RBFOX1: variants seen among roughly 807,000 people sequenced by gnomAD.
RBFOX1 encodes the protein RNA binding protein fox-1 homolog 1.
Under a neutral mutation model 57.7 loss-of-function variants are expected in RBFOX1, and 8 were observed. That is an observed-to-expected ratio of 0.14 (90% confidence interval 0.08 to 0.25). The LOEUF is 0.25. Ranked by LOEUF, RBFOX1 falls within the 10% of genes least tolerant of loss-of-function variation. RBFOX1 has a pLI of 1.00. For synonymous variants in RBFOX1, 326 were observed against 222.4 expected (o/e 1.47, Z -4.15); for missense variants, 611 against 548.5 (o/e 1.11, Z -1.14).
Position 7,037,228 on chromosome 16 carries a change from C to CTTTT in RBFOX1, c.-15-14804_-15-14801dup, listed in dbSNP as rs889539532. Among the ~76,000 whole-genome samples, 9 of 80,552 alleles carry CTTTT rather than the reference C, an allele frequency of 1.1e-4. 1 individual carries two copies. Among genetic ancestry groups the CTTTT allele is most frequent in the African/African-American group, 2.0e-4 (3 of 14,826 alleles). The allele number at this position is 80,552 out of a possible 152,430, so 52.8% of individuals were successfully genotyped here. The stretch of plus-strand genomic sequence containing the variant: ...AATGCAGCCCAGTAGGTCTTAGCCT[C>CTTTT]TTTTTTTTTTTTTTTTTTTTTTTTT... On this transcript the variant is annotated intron_variant, in intron 3 of 15. Transcript: ENST00000550418.
At chr16:6,143,024 G>T (rs140230066) in intron 1 of RBFOX1, among the ~76,000 whole-genome samples, 38 of 152,196 alleles carry the variant, frequency 2.5e-4, no homozygotes, top group Non-Finnish European at 4.4e-4. Flanking sequence ...CTCGGCTCTT[G>T]GTAGATATTT....
At chr16:6,071,887 T>C (rs1230124367) in intron 1 of RBFOX1, among the ~76,000 whole-genome samples, 1 of 152,236 alleles carries the variant, frequency 6.6e-6, no homozygotes, top group Non-Finnish European at 1.5e-5. Flanking sequence ...TCCTCCAGGT[T>C]CATAAATGTA....
At chr16:5,814,866 T>C (rs995976141) in intron 3 of RBFOX1, among the ~76,000 whole-genome samples, 5 of 152,112 alleles carry the variant, frequency 3.3e-5, no homozygotes, top group Admixed American at 1.3e-4. Context: ...GAAGCGGAGC[T>C]TGCAGTGAGC....
At chr16:6,805,780 C>G (rs1014666059) in intron 3 of RBFOX1, among the ~76,000 whole-genome samples, 1 of 152,170 alleles carries the variant, frequency 6.6e-6, no homozygotes, top group Non-Finnish European at 1.5e-5. Flanking sequence ...AGTGTAACAC[C>G]CAAGCCATGT....
chr16:5,337,082 G>T (rs547153611), intron 1 of RBFOX1, among the ~76,000 whole-genome samples: 1 of 152,350 alleles, frequency 6.6e-6, no homozygotes, highest in East Asian at 1.9e-4. Flanking sequence ...GCAGAGGCGA[G>T]TTCTGCGGAG....
rs139972265 is a variant in RBFOX1 at position 5,978,699 on chromosome 16, G to GT, written c.351+111371dup. ...GTTTGTTTTTTTTTTTGTTGTTGTT[G>GT]TTTTTTTAAATGATGACAGTGTTGA... On this transcript the variant is annotated intron_variant, in intron 4 of 19. Coordinates refer to the RBFOX1 transcript ENST00000641259. 3.4e-5 allele frequency among the ~76,000 whole-genome samples: 5 copies of GT among 147,302 alleles called. No individual in the cohort carries two copies. The South Asian group carries it at 1.1e-3, about 32-fold the overall frequency.
At chr16:5,264,349 C>T (rs1007782629) in intron 1 of RBFOX1, among the ~76,000 whole-genome samples, 13 of 152,130 alleles carry the variant, frequency 8.5e-5, no homozygotes, top group African/African-American at 2.9e-4. Context: ...CACCCTGGCC[C>T]TGCTAAGGAG....
intron 2 of RBFOX1, among the ~76,000 whole-genome samples, chr16:5,593,356 G>C (rs910584635): frequency 1.3e-5 from 2 of 152,082 alleles, no homozygotes; most frequent in Non-Finnish European, 2.9e-5. Flanking sequence ...TGGGGGGTTA[G>C]GGGAGGGATA....
intron 1 of RBFOX1, among the ~76,000 whole-genome samples, chr16:6,273,484 A>G (rs967903253): frequency 3.4e-4 from 51 of 150,078 alleles, no homozygotes; most frequent in African/African-American, 1.2e-3. Flanking sequence ...AGCTGGGATT[A>G]CAGGTACATG....
At chr16:6,532,628 C>T (rs577519653) in intron 2 of RBFOX1, among the ~76,000 whole-genome samples, 1 of 152,088 alleles carries the variant, frequency 6.6e-6, no homozygotes, top group Admixed American at 6.6e-5. Flanking sequence ...TCCTGGTGAT[C>T]GTCTCTTCTC....
Position 5,781,358 on chromosome 16 carries a change from T to C in RBFOX1, c.319-85945T>C, listed in dbSNP as rs74872856. On this transcript the variant is annotated intron_variant, in intron 3 of 19. Transcript: ENST00000641259. ...TATTGAACCTATTTCTAGAGTGAGC[T>C]TCTCAATGGATTGCTATTAGAGGTT... is the stretch of plus-strand genomic sequence containing the variant. Among the ~76,000 whole-genome samples, 72 of 152,296 alleles carry C rather than the reference T, an allele frequency of 4.7e-4. 1 individual carries two copies. The East Asian group carries it at 7.3e-3, about 16-fold the overall frequency.
intron 2 of RBFOX1, among the ~76,000 whole-genome samples, chr16:6,499,246 C>G (rs993860006): frequency 2.0e-5 from 3 of 151,914 alleles, no homozygotes; most frequent in African/African-American, 7.3e-5. Flanking sequence ...TATGGTGATG[C>G]AAGGAATTTG....
chr16:7,434,581 C>G (rs1759868505), intron 4 of RBFOX1, among the ~76,000 whole-genome samples: 1 of 152,134 alleles, frequency 6.6e-6, no homozygotes, highest in Non-Finnish European at 1.5e-5. Context: ...CCATGACCTA[C>G]TGGACTGCAT....
At chr16:6,641,831 C>G (rs895854690) in intron 2 of RBFOX1, among the ~76,000 whole-genome samples, 3 of 151,032 alleles carry the variant, frequency 2.0e-5, no homozygotes, top group East Asian at 1.9e-4. Flanking sequence ...GGGACTTGCT[C>G]CCTCCTCGCT....
intron 3 of RBFOX1, among the ~76,000 whole-genome samples, chr16:7,042,582 C>G (rs41356249): frequency 0.054 from 8,229 of 152,254 alleles, 402 homozygotes; most frequent in East Asian, 0.2. Flanking sequence ...TGACATATTA[C>G]AAACATTGGA....
At chr16:7,588,265 A>G (rs1398722066) in intron 7 of RBFOX1, among the ~76,000 whole-genome samples, 1 of 152,234 alleles carries the variant, frequency 6.6e-6, no homozygotes, top group Non-Finnish European at 1.5e-5. Flanking sequence ...TCAGTGGCTA[A>G]CCAAGGGTGG....
At chr16:6,043,320 A>T (rs2095461192) in intron 1 of RBFOX1, among the ~76,000 whole-genome samples, 1 of 152,118 alleles carries the variant, frequency 6.6e-6, no homozygotes, top group Non-Finnish European at 1.5e-5. Flanking sequence ...TCCTGGCTGC[A>T]TTCATGGAGG....
chr16:7,256,716 C>T (rs964907746), intron 4 of RBFOX1, among the ~76,000 whole-genome samples: 3 of 152,286 alleles, frequency 2.0e-5, no homozygotes, highest in African/African-American at 7.2e-5. Flanking sequence ...TTGAGAAGGA[C>T]GCCCAGGGCC....
intron 4 of RBFOX1, among the ~76,000 whole-genome samples, chr16:5,996,625 C>G (rs751540102): frequency 1.5e-4 from 23 of 152,010 alleles, no homozygotes; most frequent in Non-Finnish European, 2.8e-4. Context: ...TACCCTAGGG[C>G]TAATTGCAGC....
Sources: allele counts gnomAD v4.1 joint callset (sites outside exome capture counted in the v4.1 genomes callset), GRCh38; gene constraint gnomAD v4.1.1; transcripts MANE v1.5; gene names NCBI Gene and HGNC (gene_info 2026-07-23, HGNC 2026-07-21).